The following RBMS3 variants were observed in gnomAD, a reference collection of about 807,000 sequenced individuals.
RBMS3 encodes the protein RNA binding motif single stranded interacting protein 3.
A neutral mutation model predicts 66.8 loss-of-function variants in RBMS3; 27 were observed. The observed-to-expected ratio is 0.40, with a 90% CI of 0.30 to 0.56. RBMS3 has a LOEUF of 0.56. RBMS3 is among the 20% of genes least tolerant of loss of function. RBMS3 has a pLI of 0.40. For missense variants in RBMS3, 513 were observed against 549.5 expected, an observed-to-expected ratio of 0.93 and a Z score of 0.66; for synonymous variants, 188 against 183.0, an observed-to-expected ratio of 1.03 and a Z score of -0.22.
At chr3:29,347,774 G>A (rs746207462) in intron 1 of RBMS3, among the ~76,000 whole-genome samples, 7 of 152,278 alleles carry the variant, frequency 4.6e-5, no homozygotes, top group Non-Finnish European at 7.4e-5. Context: ...CACAAAACTC[G>A]CCGTGGCAGC....
chr3:29,661,216 A>G (rs965629218), intron 4 of RBMS3, among the ~76,000 whole-genome samples: 3 of 152,154 alleles, frequency 2.0e-5, no homozygotes, highest in East Asian at 1.9e-4. Flanking sequence ...AAAGAGTTGT[A>G]TCAGACAGAT....
chr3:29,304,332 A>G (rs1366068073), intron 1 of RBMS3, among the ~76,000 whole-genome samples: 4 of 151,928 alleles, frequency 2.6e-5, no homozygotes, highest in Non-Finnish European at 4.4e-5. Flanking sequence ...TATTTATGCT[A>G]TATATTCTAA....
intron 14 of RBMS3, among the ~76,000 whole-genome samples, chr3:29,991,966 AAGTACATTTGGCT>A (rs1227492301): frequency 3.9e-5 from 6 of 152,168 alleles, no homozygotes; most frequent in African/African-American, 1.4e-4. Flanking sequence ...TCATAATGCA[AAGTACATTTGGCT>A]TTGTGTTGAG....
At chr3:29,726,310 G>A (rs57762662) in intron 4 of RBMS3, among the ~76,000 whole-genome samples, 9,089 of 152,134 alleles carry the variant, frequency 0.06, 886 homozygotes, top group African/African-American at 0.2. Flanking sequence ...AGACAAGGAT[G>A]CCCTCTCTCA....
chr3:29,479,879 T>C (rs1575952296), intron 2 of RBMS3, among the ~76,000 whole-genome samples: 1 of 152,228 alleles, frequency 6.6e-6, no homozygotes, highest in East Asian at 1.9e-4. Flanking sequence ...ATGGTAATAC[T>C]GGTTGAGCTG....
chr3:29,595,904 G>A (rs551876977), intron 4 of RBMS3, among the ~76,000 whole-genome samples: 1 of 152,316 alleles, frequency 6.6e-6, no homozygotes, highest in East Asian at 1.9e-4. Flanking sequence ...GGAGGAAATA[G>A]TGAATGTGCT....
chr3:29,822,481 G>T (rs984436132), intron 6 of RBMS3, among the ~76,000 whole-genome samples: 1 of 152,092 alleles, frequency 6.6e-6, no homozygotes, highest in Non-Finnish European at 1.5e-5. Context: ...TGGAATAAAT[G>T]GATAGTCACA....
intron 1 of RBMS3, among the ~76,000 whole-genome samples, chr3:29,385,692 C>T (rs1267413204): frequency 6.6e-6 from 1 of 152,130 alleles, no homozygotes; most frequent in Admixed American, 6.5e-5. Context: ...TGCACCGTGG[C>T]CTCTCCATTC....
intron 1 of RBMS3, among the ~76,000 whole-genome samples, chr3:29,290,316 T>C (rs2032711531): frequency 6.6e-6 from 1 of 151,914 alleles, no homozygotes; most frequent in South Asian, 2.1e-4. Flanking sequence ...TGACATTATT[T>C]GCTAATAATT....
chr3:29,513,632 C>A (rs1354776404), intron 3 of RBMS3, among the ~76,000 whole-genome samples: 1 of 152,100 alleles, frequency 6.6e-6, no homozygotes, highest in Non-Finnish European at 1.5e-5. Flanking sequence ...TTCTTCAGTT[C>A]TTTTAGAATG....
At chr3:29,713,886 C>T (rs544286440) in intron 4 of RBMS3, among the ~76,000 whole-genome samples, 1 of 152,188 alleles carries the variant, frequency 6.6e-6, no homozygotes, top group South Asian at 2.1e-4. Context: ...GAAACCCCAT[C>T]TCTACAAGAA....
chr3:29,821,198 A>G (rs1462603883), intron 6 of RBMS3, among the ~76,000 whole-genome samples: 1 of 152,148 alleles, frequency 6.6e-6, no homozygotes, highest in Non-Finnish European at 1.5e-5. Context: ...TCCAGATACA[A>G]TTTGATTTTT....
chr3:29,758,615 C>G (rs937866459), intron 5 of RBMS3, among the ~76,000 whole-genome samples: 40 of 152,194 alleles, frequency 2.6e-4, no homozygotes, highest in Admixed American at 2.5e-3. Context: ...CACTTGTATC[C>G]TAAGAATGTC....
At chr3:29,531,309 T>A (rs1011956958) in intron 3 of RBMS3, among the ~76,000 whole-genome samples, 2 of 152,254 alleles carry the variant, frequency 1.3e-5, no homozygotes. Context: ...ATGATTCTTA[T>A]GTACAATAAA....
At chr3:29,749,051 C>T (rs2055058781) in intron 5 of RBMS3, among the ~76,000 whole-genome samples, 1 of 152,084 alleles carries the variant, frequency 6.6e-6, no homozygotes, top group Non-Finnish European at 1.5e-5. Flanking sequence ...CTTTAATTTT[C>T]TCAGAAGCAG....
intron 3 of RBMS3, among the ~76,000 whole-genome samples, chr3:29,501,496 A>G (rs1369392280): frequency 1.3e-5 from 2 of 152,170 alleles, no homozygotes; most frequent in African/African-American, 4.8e-5. Context: ...ATTTGTGAAA[A>G]CATCCGACGC....
intron 3 of RBMS3, among the ~76,000 whole-genome samples, chr3:29,586,850 A>G (rs1056560388): frequency 3.3e-5 from 5 of 152,018 alleles, no homozygotes; most frequent in Admixed American, 2.0e-4. Flanking sequence ...TACTCACCAA[A>G]TTAGGTTAAA....
At chr3:29,305,194 C>T (rs1270944069) in intron 1 of RBMS3, among the ~76,000 whole-genome samples, 1 of 151,938 alleles carries the variant, frequency 6.6e-6, no homozygotes, top group Non-Finnish European at 1.5e-5. Flanking sequence ...GCTTAAATGA[C>T]TTTGCTGACC....
At chr3:29,328,788 C>T (rs1024821763) in intron 1 of RBMS3, among the ~76,000 whole-genome samples, 5 of 152,072 alleles carry the variant, frequency 3.3e-5, no homozygotes, top group South Asian at 2.1e-4. Flanking sequence ...CATTTGTTTA[C>T]GTGTTTATTT....
Sources: allele counts gnomAD v4.1 joint callset (sites outside exome capture counted in the v4.1 genomes callset), GRCh38; gene constraint gnomAD v4.1.1; transcripts MANE v1.5; gene names NCBI Gene and HGNC (gene_info 2026-07-23, HGNC 2026-07-21).